Variants in RFTN2 observed in about 807,000 individuals in gnomAD.
RFTN2 encodes raftlin-2.
In RFTN2, 34 loss-of-function variants were observed where a neutral mutation model predicts 52.7. The observed-to-expected ratio is 0.64, with a 90% CI of 0.49 to 0.86. The LOEUF (loss-of-function observed/expected upper bound fraction) is 0.86, where lower values mean the gene tolerates loss of function less well. Among genes scored for constraint, RFTN2 ranks in the 40% least tolerant of loss-of-function variants. The pLI is 0.00. For synonymous variants in RFTN2, 203 were observed against 217.7 expected (o/e 0.93, Z 0.59); for missense variants, 536 against 600.1 (o/e 0.89, Z 1.12).
chr2:197,620,966 A>AAAAAC (rs940371321), intron 5 of RFTN2, among the ~76,000 whole-genome samples: 8 of 152,166 alleles, frequency 5.3e-5, no homozygotes, highest in Admixed American at 2.0e-4. Context: ...ACTCCATCTC[A>AAAAAC]AAAACAAAAC....
intron 8 of RFTN2, among the ~76,000 whole-genome samples, chr2:197,587,298 C>G (rs996315815): frequency 6.6e-6 from 1 of 152,054 alleles, no homozygotes; most frequent in African/African-American, 2.4e-5. Flanking sequence ...AAAATTTTCG[C>G]CGTCCCAACA....
intron 7 of RFTN2, among the ~76,000 whole-genome samples, chr2:197,611,862 G>A (rs893701983): frequency 2.0e-5 from 3 of 152,044 alleles, no homozygotes; most frequent in Admixed American, 2.0e-4. Context: ...CCTTCGTTTT[G>A]TTATTCACCC....
chr2:197,578,927 G>T (rs2087461727), intron 8 of RFTN2, among the ~76,000 whole-genome samples: 1 of 152,144 alleles, frequency 6.6e-6, no homozygotes, highest in African/African-American at 2.4e-5. Flanking sequence ...AATCAAGTAA[G>T]CGGCCTCTTT....
At chr2:197,630,556 C>T (rs895265584) in intron 5 of RFTN2, among the ~76,000 whole-genome samples, 5 of 152,160 alleles carry the variant, frequency 3.3e-5, no homozygotes, top group African/African-American at 1.2e-4. Context: ...GAGCCAACGT[C>T]ACTTTCTAAA....
At chr2:197,616,181 G>A (rs1157833438) in intron 6 of RFTN2, among the ~76,000 whole-genome samples, 2 of 152,228 alleles carry the variant, frequency 1.3e-5, no homozygotes, top group East Asian at 3.9e-4. Flanking sequence ...TTTCCATCCC[G>A]TTGTCTGAAG....
intron 3 of RFTN2, among the ~76,000 whole-genome samples, chr2:197,640,323 C>G (rs1442963442): frequency 6.6e-6 from 1 of 152,150 alleles, no homozygotes; most frequent in African/African-American, 2.4e-5. Context: ...GGCGGGCGCC[C>G]CTCCCCCAGC....
At chr2:197,645,373 C>T (rs927946818) in intron 2 of RFTN2, among the ~76,000 whole-genome samples, 4 of 152,136 alleles carry the variant, frequency 2.6e-5, no homozygotes, top group Non-Finnish European at 5.9e-5. Context: ...TGTGTAAGTA[C>T]ACTCTATGAT....
In RFTN2 at chr2:197,570,416, T is replaced by C. The variant is rs2087297122; in HGVS notation, c.*1592A>G. ...TATAATTGATAACATGTAATACATA[T>C]CTGTTATATGTATAAAACATATTAT... On this transcript the variant is annotated 3_prime_UTR_variant, in exon 9 of 9. Coordinates refer to ENST00000295049, the MANE Select transcript of RFTN2 (RefSeq NM_144629.3). 6.6e-6 allele frequency: 1 copy of C among 152,192 alleles called. No homozygotes were observed. Among genetic ancestry groups the C allele is most frequent in the African/African-American group, 2.4e-5 (1 of 41,442 alleles). 9.4% of individuals were successfully genotyped at this position (152,192 alleles called of 1,614,324 possible).
At chr2:197,651,642 A>C (rs531910459) in intron 1 of RFTN2, among the ~76,000 whole-genome samples, 55 of 152,264 alleles carry the variant, frequency 3.6e-4, no homozygotes, top group South Asian at 1.9e-3. Flanking sequence ...AAAACAACAA[A>C]AAAAAAGAAA....
chr2:197,597,284 AC>A (rs944071600), intron 7 of RFTN2, among the ~76,000 whole-genome samples: 20 of 152,192 alleles, frequency 1.3e-4, no homozygotes, highest in African/African-American at 4.3e-4. Context: ...GGAACAAAAA[AC>A]TTTTATAAAA....
intron 8 of RFTN2, 38 bp from the exon 9 acceptor site, chr2:197,572,318 A>G: frequency 1.2e-6 from 2 of 1,602,298 alleles, no homozygotes; most frequent in Non-Finnish European, 1.7e-6. Flanking sequence ...AGAGTTAAAA[A>G]GATGGGTGTT....
In RFTN2 at chr2:197,617,918, TC is replaced by T; in HGVS notation, c.931del (p.Glu311AsnfsTer32). 1 of 1,603,110 alleles carries T rather than the reference TC, an allele frequency of 6.2e-7. No individual in the cohort carries two copies. Among genetic ancestry groups the T allele is most frequent in the Non-Finnish European group, 8.5e-7 (1 of 1,174,418 alleles). ...SFVFWETSKG[E>X]HLPKSLEGFF... ...TCCTTCCAAAGATTTAGGCAAATGT[TC>T]CCCTGTGAGGAAGAGGGTACAATTA... is the stretch of plus-strand genomic sequence containing the variant. On this transcript the variant is annotated frameshift_variant and splice_region_variant, in exon 6 of 9. Transcript: ENST00000295049. LOFTEE classifies it high-confidence loss of function.
intron 1 of RFTN2, 72 bp downstream of exon 1, chr2:197,675,246 TAA>T (rs1416151156): frequency 2.5e-6 from 3 of 1,191,968 alleles, no homozygotes; most frequent in Non-Finnish European, 3.4e-6. Flanking sequence ...AAAAATTTAT[TAA>T]GTCAACACTT....
intron 7 of RFTN2, among the ~76,000 whole-genome samples, 159 bp from the exon 8 acceptor site, chr2:197,596,228 G>A (rs954960407): frequency 1.3e-5 from 2 of 152,002 alleles, no homozygotes; most frequent in Admixed American, 1.3e-4. Context: ...TGGAAAGAAT[G>A]TAAAATATAA....
chr2:197,611,414 T>A (rs564890967), intron 7 of RFTN2, among the ~76,000 whole-genome samples: 3 of 152,332 alleles, frequency 2.0e-5, no homozygotes, highest in Admixed American at 6.5e-5. Flanking sequence ...GCGTTTATAG[T>A]ATTCTCTGAT....
chr2:197,571,031 G>A lies in RFTN2; in HGVS notation c.*977C>T, dbSNP rs1308430192. 3 of 152,298 alleles carry A rather than the reference G, an allele frequency of 2.0e-5. No individual in the cohort carries two copies. The allele number at this position is 152,298 out of a possible 1,614,324, so 9.4% of individuals were successfully genotyped here. ...AAGCCACCTCTATTAGAAGGGGAAA[G>A]AAAAGCAAGATGAAACAAAATATGT... On this transcript the variant is annotated 3_prime_UTR_variant, in exon 9 of 9. Transcript: ENST00000295049.
chr2:197,605,815 A>G, intron 7 of RFTN2, among the ~76,000 whole-genome samples: 1 of 152,126 alleles, frequency 6.6e-6, no homozygotes, highest in East Asian at 1.9e-4. Flanking sequence ...TACTATTCCA[A>G]GTTAGCCCTA....
chr2:197,643,300 T>C (rs1364063933), intron 3 of RFTN2, among the ~76,000 whole-genome samples: 2 of 152,140 alleles, frequency 1.3e-5, no homozygotes, highest in Non-Finnish European at 1.5e-5. Flanking sequence ...CTATGTTGCT[T>C]AGGCTGGTCT....
intron 5 of RFTN2, among the ~76,000 whole-genome samples, chr2:197,622,569 G>A (rs538922919): frequency 1.3e-5 from 2 of 152,314 alleles, no homozygotes; most frequent in Non-Finnish European, 2.9e-5. Context: ...GCCTCCCGAA[G>A]TGTTGGGATT....
Sources: allele counts gnomAD v4.1 joint callset (sites outside exome capture counted in the v4.1 genomes callset), GRCh38; gene constraint gnomAD v4.1.1; transcripts MANE v1.5; gene names NCBI Gene and HGNC (gene_info 2026-07-23, HGNC 2026-07-21).